LRRC37A3: variants seen among roughly 807,000 people sequenced by gnomAD.
LRRC37A3 encodes the protein leucine rich repeat containing 37 member A3.
LRRC37A3 carries 25 observed loss-of-function variants against 106.2 expected under a neutral mutation model. That is an observed-to-expected ratio of 0.24 (90% CI 0.17 to 0.33). The LOEUF (loss-of-function observed/expected upper bound fraction) is 0.33, where lower values mean the gene tolerates loss of function less well. Among genes scored for constraint, LRRC37A3 ranks in the 10% least tolerant of loss-of-function variants. LRRC37A3 has a pLI of 1.00. For synonymous variants in LRRC37A3, 305 were observed against 635.8 expected (o/e 0.48, Z 7.83); for missense variants, 712 against 1,644.9 (o/e 0.43, Z 9.81).
At chr17:64,915,014 G>A (rs1974672097) in intron 2 of LRRC37A3, among the ~76,000 whole-genome samples, 1 of 152,018 alleles carries the variant, frequency 6.6e-6, no homozygotes, top group African/African-American at 2.4e-5. Context: ...TTGATTCATG[G>A]GCATAAAAAC....
Position 64,854,427 on chromosome 17 carries a change from G to A in LRRC37A3, c.*172C>T. 1 of 946,896 alleles carries A rather than the reference G, an allele frequency of 1.1e-6. No individual in the cohort carries two copies. Among genetic ancestry groups the A allele is most frequent in the Non-Finnish European group, 1.6e-6 (1 of 621,306 alleles). The allele number at this position is 946,896 out of a possible 1,614,324, so 58.7% of individuals were successfully genotyped here. ...CCACCCCCTGAGCATATGTTTTCAGGTCTGGGTGACTAATTAGACTGGGAA... is the reference window on the plus strand; with the variant it reads ...CCACCCCCTGAGCATATGTTTTCAGATCTGGGTGACTAATTAGACTGGGAA... On this transcript the variant is annotated 3_prime_UTR_variant, in exon 15 of 15. Coordinates refer to ENST00000584306, the MANE Select transcript of LRRC37A3 (RefSeq NM_199340.5).
At chr17:64,876,339 C>T (rs1164664608) in intron 8 of LRRC37A3, among the ~76,000 whole-genome samples, 25 of 152,094 alleles carry the variant, frequency 1.6e-4, no homozygotes, top group Non-Finnish European at 2.9e-4. Flanking sequence ...TGTGCCACCA[C>T]GTTCAGCTAA....
intron 8 of LRRC37A3, among the ~76,000 whole-genome samples, chr17:64,879,973 T>C (rs1208924147): frequency 1.3e-5 from 2 of 152,092 alleles, no homozygotes; most frequent in African/African-American, 4.8e-5. Context: ...GTTTGTTATC[T>C]TTCCTCCAAA....
intron 13 of LRRC37A3, among the ~76,000 whole-genome samples, chr17:64,856,869 C>T (rs907943763): frequency 6.6e-6 from 1 of 151,794 alleles, no homozygotes; most frequent in African/African-American, 2.4e-5. Context: ...CCTGTAGTCC[C>T]AGCCACTCAG....
intron 2 of LRRC37A3, among the ~76,000 whole-genome samples, chr17:64,917,249 A>G (rs1275612087): frequency 6.4e-4 from 96 of 149,994 alleles, no homozygotes; most frequent in African/African-American, 2.3e-3. Context: ...CCATCTCAAA[A>G]AAAAAAAAAA....
chr17:64,915,737 G>C (rs1251945558), intron 2 of LRRC37A3, among the ~76,000 whole-genome samples: 1 of 152,170 alleles, frequency 6.6e-6, no homozygotes, highest in Non-Finnish European at 1.5e-5. Flanking sequence ...GGGAGAAAAT[G>C]TATGAACATC....
chr17:64,864,451 T>C (rs557806552), intron 10 of LRRC37A3, among the ~76,000 whole-genome samples: 1 of 152,340 alleles, frequency 6.6e-6, no homozygotes, highest in East Asian at 1.9e-4. Flanking sequence ...TTCTTTCATC[T>C]TTCTGGCTTG....
chr17:64,860,102 C>A lies in LRRC37A3; in HGVS notation c.4044G>T (p.Lys1348Asn), dbSNP rs537890026. ...LSNRLPFSAA[K>N]SLINSPSQGA... ...CTTGTGAAGGGGAATTTATGAGGCT[C>A]TTCGCTGCAGAGAACGGAAGCCTGT... Residue 1348 changes from lysine (K) to asparagine (N), a missense_variant, in exon 12 of 15, where the codon AAG becomes AAT. By Grantham distance (94) the Lys-to-Asn change is moderately conservative. Transcript: ENST00000584306. 2 of 1,613,858 alleles carry A rather than the reference C, an allele frequency of 1.2e-6. No individual in the cohort carries two copies. Among genetic ancestry groups the A allele is most frequent in the Admixed American group, 3.3e-5 (2 of 60,004 alleles).
At chr17:64,899,934 A>G (rs1974259757) in intron 2 of LRRC37A3, 1 of 150,178 alleles carries the variant, frequency 6.7e-6, no homozygotes, top group Admixed American at 6.6e-5. Flanking sequence ...AGAGTTTCAC[A>G]TTTTCCTGAG....
chr17:64,910,738 AG>A (rs1974571274), intron 2 of LRRC37A3, among the ~76,000 whole-genome samples: 1 of 127,648 alleles, frequency 7.8e-6, no homozygotes, highest in Non-Finnish European at 1.5e-5. Flanking sequence ...TCCACCTCCC[AG>A]GTTCAAGCCA....
chr17:64,912,326 T>G (rs1267584053), intron 2 of LRRC37A3, among the ~76,000 whole-genome samples: 1 of 131,102 alleles, frequency 7.6e-6, no homozygotes, highest in African/African-American at 2.9e-5. Flanking sequence ...CTACATACAT[T>G]GAAAGTGTAT....
In LRRC37A3 at chr17:64,918,864, A is replaced by G; in HGVS notation, c.-610T>C. On this transcript the variant is annotated 5_prime_UTR_variant, in exon 2 of 15. An upstream start codon of the reference 5' UTR is lost. Transcript: ENST00000584306. ...AGCCTGGGCAACACGGTGAAACTCC[A>G]TCTCTACTAAAAAATACAAAAAATT... is the stretch of plus-strand genomic sequence containing the variant. The G allele has an allele frequency of 2.1e-6, 1 of 473,318 alleles. No homozygotes were observed. Among genetic ancestry groups the G allele is most frequent in the Non-Finnish European group, 3.5e-6 (1 of 288,498 alleles). 29.3% of individuals were successfully genotyped at this position (473,318 alleles called of 1,614,324 possible).
intron 8 of LRRC37A3, among the ~76,000 whole-genome samples, chr17:64,874,831 C>A (rs1973452837): frequency 6.6e-6 from 1 of 152,064 alleles, no homozygotes; most frequent in African/African-American, 2.4e-5. Context: ...TGTGCTGTGT[C>A]CACTCAGGGT....
chr17:64,910,471 C>T (rs559321321), intron 2 of LRRC37A3, among the ~76,000 whole-genome samples: 88 of 152,368 alleles, frequency 5.8e-4, no homozygotes, highest in Middle Eastern at 3.4e-3. Context: ...ACAAAACTAC[C>T]TGCCGAGGGC....
At chr17:64,882,762 T>C (rs1204930939) in intron 8 of LRRC37A3, among the ~76,000 whole-genome samples, 1 of 152,008 alleles carries the variant, frequency 6.6e-6, no homozygotes, top group Non-Finnish European at 1.5e-5. Flanking sequence ...AATAATTCAA[T>C]AGGGATAAAG....
intron 10 of LRRC37A3, among the ~76,000 whole-genome samples, chr17:64,867,497 C>T (rs1973154465): frequency 6.6e-6 from 1 of 152,136 alleles, no homozygotes; most frequent in Non-Finnish European, 1.5e-5. Context: ...TACCAAAGTC[C>T]ACAGATGCTG....
intron 2 of LRRC37A3, among the ~76,000 whole-genome samples, chr17:64,904,347 C>G (rs542169899): frequency 8.0e-4 from 122 of 152,262 alleles, no homozygotes; most frequent in African/African-American, 2.9e-3. Flanking sequence ...TGGTGGCGCA[C>G]GCCTGTAGTC....
At chr17:64,883,193 C>T (rs1205768282) in intron 8 of LRRC37A3, among the ~76,000 whole-genome samples, 1 of 152,192 alleles carries the variant, frequency 6.6e-6, no homozygotes, top group Non-Finnish European at 1.5e-5. Context: ...CCTCCTTTCC[C>T]CAATGCAAAA....
intron 14 of LRRC37A3, among the ~76,000 whole-genome samples, chr17:64,855,559 G>A (rs559254737): frequency 8.7e-5 from 13 of 148,926 alleles, no homozygotes; most frequent in African/African-American, 2.8e-4. Flanking sequence ...ATTAGGGTAA[G>A]TAAGTATTTG....
Sources: allele counts gnomAD v4.1 joint callset (sites outside exome capture counted in the v4.1 genomes callset), GRCh38; gene constraint gnomAD v4.1.1; transcripts MANE v1.5; gene names NCBI Gene and HGNC (gene_info 2026-07-23, HGNC 2026-07-21).